The following LIMA1 variants were observed in gnomAD, a reference collection of about 807,000 sequenced individuals.
LIMA1 encodes the protein LIM domain and actin-binding protein 1.
Under a neutral mutation model 62.6 loss-of-function variants are expected in LIMA1, and 52 were observed. The ratio of observed to expected loss-of-function variants is 0.83; its 90% CI spans 0.67 to 1.05. The LOEUF (loss-of-function observed/expected upper bound fraction) is 1.05. Among genes scored for constraint, LIMA1 ranks in the 50% least tolerant of loss-of-function variants. The pLI is 0.00. For missense variants in LIMA1, 780 were observed against 902.2 expected (o/e 0.86, Z 1.74); for synonymous variants, 302 against 317.8 (o/e 0.95, Z 0.53).
At chr12:50,239,383 A>G (rs1453789666) in intron 2 of LIMA1, among the ~76,000 whole-genome samples, 2 of 152,250 alleles carry the variant, frequency 1.3e-5, no homozygotes, top group Admixed American at 1.3e-4. Flanking sequence ...TCATGCCTGT[A>G]ATCCCAGCAC....
chr12:50,198,525 G>C (rs1940977750), intron 7 of LIMA1, among the ~76,000 whole-genome samples: 1 of 152,166 alleles, frequency 6.6e-6, no homozygotes, highest in South Asian at 2.1e-4. Flanking sequence ...CTACACTCCA[G>C]CCTGGGTGAC....
chr12:50,184,998 A>G (rs915948719), intron 9 of LIMA1, among the ~76,000 whole-genome samples: 6 of 151,896 alleles, frequency 4.0e-5, no homozygotes, highest in African/African-American at 1.5e-4. Flanking sequence ...CACTCGGCTA[A>G]TTTTTGTATT....
At chr12:50,193,498 C>CATATATGTGTATATATAT (rs1167819587) in intron 8 of LIMA1, among the ~76,000 whole-genome samples, 1 of 123,090 alleles carries the variant, frequency 8.1e-6, no homozygotes, top group African/African-American at 3.1e-5. Context: ...ATATATATAT[C>CATATATGTGTATATATAT]ATATATGTGT....
chr12:50,183,062 C>T (rs571869884), intron 9 of LIMA1, among the ~76,000 whole-genome samples: 21 of 152,026 alleles, frequency 1.4e-4, no homozygotes, highest in Admixed American at 2.6e-4. Flanking sequence ...ATTAGGCAGG[C>T]GTAGTGGTAC....
At chr12:50,262,662 AT>A (rs1942086712) in intron 1 of LIMA1, among the ~76,000 whole-genome samples, 1 of 151,564 alleles carries the variant, frequency 6.6e-6, no homozygotes, top group African/African-American at 2.4e-5. Context: ...ATAAAATAAA[AT>A]AAAATAAAAA....
rs10632810 is a variant in LIMA1 at position 50,214,024 on chromosome 12, CCACA to C, written c.631-7960_631-7957del. On this transcript the variant is annotated intron_variant, in intron 4 of 10. Transcript: ENST00000341247. ...TTACCCTGGATCAATTATTATCTTA[CCACA>C]CACACACACACACACACACACACGA... Among the ~76,000 whole-genome samples the C allele has an allele frequency of 1.4e-4, 15 of 104,486 alleles. 1 individual carries two copies. Among genetic ancestry groups the C allele is most frequent in the African/African-American group, 3.5e-4 (11 of 31,470 alleles). The allele number at this position is 104,486 out of a possible 152,430, so 68.5% of individuals were successfully genotyped here.
chr12:50,179,023 T>C (rs886972655), intron 10 of LIMA1, among the ~76,000 whole-genome samples: 6 of 151,670 alleles, frequency 4.0e-5, no homozygotes, highest in Non-Finnish European at 7.4e-5. Context: ...TCGCCCAGGC[T>C]GGAGTGCAGT....
chr12:50,234,337 T>C (rs1479376705), intron 2 of LIMA1: 2 of 299,436 alleles, frequency 6.7e-6, no homozygotes, highest in African/African-American at 4.6e-5. Flanking sequence ...GCCTCCCAAG[T>C]AGCTGGGATT....
intron 2 of LIMA1, among the ~76,000 whole-genome samples, chr12:50,236,124 C>T (rs1324607189): frequency 1.3e-5 from 2 of 151,738 alleles, no homozygotes; most frequent in Non-Finnish European, 2.9e-5. Context: ...GAGATTGCAC[C>T]ACTGCACTCT....
At position 50,243,168 on chromosome 12, in the gene LIMA1, C is replaced by T. The variant is rs61221429; in HGVS notation, c.119+5465G>A. On this transcript the variant is annotated intron_variant, in intron 2 of 10. Coordinates refer to ENST00000341247, the MANE Select transcript of LIMA1 (RefSeq NM_016357.5). ...GCTATAAAGGACCATGGGACACAAGCTCTGATGCTAGAAAAAGTACTCTTC... is the reference window on the plus strand; with the variant it reads ...GCTATAAAGGACCATGGGACACAAGTTCTGATGCTAGAAAAAGTACTCTTC... 9.9e-3 allele frequency among the ~76,000 whole-genome samples: 1,507 copies of T among 152,274 alleles called. 28 individuals are homozygous for T. The highest frequency in any genetic ancestry group is 0.034 in the African/African-American group (1,406 of 41,540).
intron 9 of LIMA1, among the ~76,000 whole-genome samples, chr12:50,184,895 G>T (rs371357955): frequency 6.6e-6 from 1 of 152,132 alleles, no homozygotes; most frequent in African/African-American, 2.4e-5. Flanking sequence ...ACAGTGGCGC[G>T]ATCTCAGCTC....
intron 2 of LIMA1, among the ~76,000 whole-genome samples, chr12:50,239,057 T>C (rs1329393596): frequency 6.6e-6 from 1 of 152,218 alleles, no homozygotes; most frequent in East Asian, 1.9e-4. Flanking sequence ...CGAGAAATAC[T>C]TATTGCTGTC....
intron 4 of LIMA1, among the ~76,000 whole-genome samples, chr12:50,207,902 A>G (rs1332717297): frequency 2.6e-5 from 4 of 151,626 alleles, no homozygotes; most frequent in African/African-American, 9.7e-5. Flanking sequence ...AAAAAAAAAA[A>G]AAGAAAAGAA....
chr12:50,254,884 A>T (rs150078812), intron 1 of LIMA1, among the ~76,000 whole-genome samples: 1 of 151,930 alleles, frequency 6.6e-6, no homozygotes, highest in South Asian at 2.1e-4. Flanking sequence ...ACATGGTAAA[A>T]CCCTGTCTCT....
At chr12:50,215,489 T>A (rs1941327662) in intron 4 of LIMA1, among the ~76,000 whole-genome samples, 1 of 152,130 alleles carries the variant, frequency 6.6e-6, no homozygotes, top group African/African-American at 2.4e-5. Context: ...TATTTTTCTT[T>A]GAGGCAGTCT....
Position 50,222,179 on chromosome 12 carries a change from T to C in LIMA1, c.472A>G (p.Ser158Gly). Residue 158 changes from serine to glycine, a missense_variant, in exon 4 of 11, where the codon AGT (serine) becomes GGT (glycine). Coordinates refer to ENST00000341247, the MANE Select transcript of LIMA1 (RefSeq NM_016357.5). Reference protein sequence around the residue: ...GEDLKDHSTESKKMENCLGES... With the variant: ...GEDLKDHSTEGKKMENCLGES... ...CCTAGACAATTTTCCATTTTTTTAC[T>C]TTCTGTTGAGTGGTCTTTAAGATCC... 2.5e-6 allele frequency: 4 copies of C among 1,614,232 alleles called. No homozygotes were observed. Among genetic ancestry groups the C allele is most frequent in the African/African-American group, 2.7e-5 (2 of 75,058 alleles).
chr12:50,257,915 A>G (rs1287636733), intron 1 of LIMA1, among the ~76,000 whole-genome samples: 1 of 152,130 alleles, frequency 6.6e-6, no homozygotes, highest in African/African-American at 2.4e-5. Flanking sequence ...TTATATTAGG[A>G]TGGTTTCATA....
At chr12:50,205,837 G>T in intron 5 of LIMA1, 147 bp downstream of exon 5, 1 of 365,458 alleles carries the variant, frequency 2.7e-6, no homozygotes, top group Non-Finnish European at 5.0e-6. Flanking sequence ...AGAGCAATGA[G>T]ATTTGAGAAT....
At chr12:50,189,212 T>C (rs1940697029) in intron 9 of LIMA1, 1 of 152,238 alleles carries the variant, frequency 6.6e-6, no homozygotes, top group African/African-American at 2.4e-5. Context: ...CTGCCTCCTT[T>C]AAAATTTTCA....
Sources: allele counts gnomAD v4.1 joint callset (sites outside exome capture counted in the v4.1 genomes callset), GRCh38; gene constraint gnomAD v4.1.1; transcripts MANE v1.5; gene names NCBI Gene and HGNC (gene_info 2026-07-23, HGNC 2026-07-21).